ZNF227: variants seen among roughly 807,000 people sequenced by gnomAD.
ZNF227 encodes zinc finger protein 227.
In ZNF227, 12 loss-of-function variants were observed where a neutral mutation model predicts 13.2. That is an observed-to-expected ratio of 0.91 (90% confidence interval 0.58 to 1.47). ZNF227 has a LOEUF of 1.47. ZNF227 is among the 40% of genes most tolerant of loss of function. ZNF227 has a pLI of 0.00. For synonymous variants in ZNF227, 338 were observed against 326.0 expected (o/e 1.04, Z -0.40); for missense variants, 885 against 967.5 (o/e 0.91, Z 1.13).
rs138167873 is a variant in ZNF227, at chr19:44,217,949, CAG to C, written c.60+99_60+100del. The C allele has an allele frequency of 2.2e-4, 302 of 1,397,618 alleles. 1 individual carries two copies. The African/African-American group carries it at 3.9e-3, about 18-fold the overall frequency. 86.6% of individuals were successfully genotyped at this position (1,397,618 alleles called of 1,614,324 possible). ...CTTTCTTGGAAAGGTTAGTGGGAAA[CAG>C]ATATTCAGGACATGTGGTATGCTGA... On this transcript the variant is annotated intron_variant, in intron 3 of 5. Transcript: ENST00000313040.
chr19:44,223,157 T>G (rs1045401472), intron 3 of ZNF227, among the ~76,000 whole-genome samples: 34 of 152,320 alleles, frequency 2.2e-4, no homozygotes, highest in African/African-American at 7.7e-4. Context: ...GCTGCTGGAT[T>G]TGGTTTGCCA....
intron 4 of ZNF227, chr19:44,229,259 A>T (rs1973522699): frequency 6.6e-6 from 1 of 152,326 alleles, no homozygotes; most frequent in Non-Finnish European, 1.5e-5. Flanking sequence ...TATATATATG[A>T]ACTAGGCTAC....
At chr19:44,234,577 C>A in intron 5 of ZNF227, 125 bp from the exon 6 acceptor site, 1 of 860,694 alleles carries the variant, frequency 1.2e-6, no homozygotes, top group Non-Finnish European at 1.8e-6. Flanking sequence ...GCTGTAAGGA[C>A]AAGGTCACCT....
At chr19:44,231,992 T>C (rs967978949) in intron 5 of ZNF227, among the ~76,000 whole-genome samples, 1 of 152,226 alleles carries the variant, frequency 6.6e-6, no homozygotes, top group Non-Finnish European at 1.5e-5. Flanking sequence ...GCCTTATCCA[T>C]ACAGCTGACT....
chr19:44,234,780 G>A lies in ZNF227; in HGVS notation c.350G>A (p.Trp117Ter). 6.2e-7 allele frequency: 1 copy of A among 1,613,448 alleles called. No homozygotes were observed. The highest frequency in any genetic ancestry group is 8.5e-7 in the Non-Finnish European group (1 of 1,179,904). Reference protein sequence around the residue: ...KYLSNQELSCWQIWKQVASEL... With the variant: ...KYLSNQELSC Reference sequence around the variant, plus strand: ...CTTTCAAATCAAGAGCTGTCCTGCTGGCAAATCTGGAAACAGGTTGCAAGT... The same window carrying A: ...CTTTCAAATCAAGAGCTGTCCTGCTAGCAAATCTGGAAACAGGTTGCAAGT... The change falls in exon 6 of 6, where the codon TGG becomes TAG. Residue 117 changes from tryptophan (W) to a stop codon, truncating the protein, a stop_gained. Transcript: ENST00000313040. LOFTEE classifies it low-confidence loss of function (END_TRUNC).
At chr19:44,208,180 A>G (rs1487656523), upstream of ZNF227, among the ~76,000 whole-genome samples, 1 of 152,212 alleles carries the variant, frequency 6.6e-6, no homozygotes, top group Non-Finnish European at 1.5e-5. Flanking sequence ...GCAGTTTTAA[A>G]CTTTTTATAC....
Position 44,235,834 on chromosome 19 carries a change from G to T in ZNF227, c.1404G>T (p.Ala468=), listed in dbSNP as rs752533863. The stretch of plus-strand genomic sequence containing the variant: ...GAGAGAAGCCATACAAGTGTGAGGC[G>T]TGTGGGAAAGGCTTTACCCGTAATA... ...HTGEKPYKCE[A]CGKGFTRNTD... Residue 468 remains alanine, a synonymous_variant, in exon 6 of 6, where the codon GCG becomes GCT. Coordinates refer to ENST00000313040, the MANE Select transcript of ZNF227 (RefSeq NM_182490.3). The T allele has an allele frequency of 6.2e-7, 1 of 1,613,774 alleles. No homozygotes were observed.
intron 3 of ZNF227, among the ~76,000 whole-genome samples, chr19:44,226,680 CCTTT>C (rs1198176005): frequency 6.6e-6 from 1 of 152,148 alleles, no homozygotes; most frequent in Non-Finnish European, 1.5e-5. Context: ...GTCTGTCACC[CCTTT>C]CTTTGACTAG....
At chr19:44,215,673 T>C (rs993472077) in intron 2 of ZNF227, among the ~76,000 whole-genome samples, 1 of 152,020 alleles carries the variant, frequency 6.6e-6, no homozygotes, top group Non-Finnish European at 1.5e-5. Flanking sequence ...TTCTGAAGAA[T>C]ATTGAGACTA....
Position 44,235,391 on chromosome 19 carries a change from G to C in ZNF227, c.961G>C (p.Glu321Gln). 6.2e-7 allele frequency: 1 copy of C among 1,614,170 alleles called. No homozygotes were observed. Among genetic ancestry groups the C allele is most frequent in the Admixed American group, 1.7e-5 (1 of 60,028 alleles). The change falls in exon 6 of 6, where the codon GAG becomes CAG. Residue 321 changes from glutamate (E) to glutamine (Q), a missense_variant. By Grantham distance (29) the Glu-to-Gln change is conservative. Transcript: ENST00000313040. Reference sequence around the variant, plus strand: ...TTCTTATCAATCTAATCATACAGGAGAGAAGTCTTATAGATGCGACAGTTG... The same window carrying C: ...TTCTTATCAATCTAATCATACAGGACAGAAGTCTTATAGATGCGACAGTTG... ...FHSYQSNHTG[E>Q]KSYRCDSCGK... is the part of the protein sequence containing the mutation.
At chr19:44,214,629 C>T (rs1014105230) in intron 2 of ZNF227, among the ~76,000 whole-genome samples, 4 of 152,100 alleles carry the variant, frequency 2.6e-5, no homozygotes, top group South Asian at 2.1e-4. Context: ...CCGCCCACCT[C>T]GGCCTCCCAA....
chr19:44,213,239 C>T lies in ZNF227; in HGVS notation c.-8C>T, dbSNP rs1971513964. 1 of 152,170 alleles carries T rather than the reference C, an allele frequency of 6.6e-6. No homozygotes were observed. The highest frequency in any genetic ancestry group is 2.4e-5 in the African/African-American group (1 of 41,436). The allele number at this position is 152,170 out of a possible 1,614,324, so 9.4% of individuals were successfully genotyped here. ...GACTTCTTGGCTTCTCCCAGCATAG[C>T]CCCAGGTACCTGCTCTTGAACGCAC... On this transcript the variant is annotated 5_prime_UTR_variant, in exon 2 of 6. Transcript: ENST00000313040.
rs1210911575 is a variant in ZNF227 at position 44,236,542 on chromosome 19, CCAT to C, written c.2118_2120del (p.His706del). 2 of 1,611,174 alleles carry C rather than the reference CCAT, an allele frequency of 1.2e-6. No individual in the cohort carries two copies. Among genetic ancestry groups the C allele is most frequent in the South Asian group, 1.1e-5 (1 of 90,736 alleles). ...GCTTTGGTAGGAGCTTGAATCTTCGCCATCATCAGAGGGTCCACACGGGAGAGA... is the reference window on the plus strand; with the variant it reads ...GCTTTGGTAGGAGCTTGAATCTTCGCCATCAGAGGGTCCACACGGGAGAGA... On this transcript the variant is annotated inframe_deletion, in exon 6 of 6. Transcript: ENST00000313040.
At chr19:44,230,394 A>G (rs980839975) in intron 5 of ZNF227, among the ~76,000 whole-genome samples, 4 of 152,022 alleles carry the variant, frequency 2.6e-5, no homozygotes, top group Admixed American at 6.6e-5. Context: ...ATTTCACTCA[A>G]AGTCCTTGTA....
Position 44,236,270 on chromosome 19 carries a change from A to C in ZNF227, c.1840A>C (p.Ser614Arg). 6.2e-7 allele frequency: 1 copy of C among 1,614,048 alleles called. No individual in the cohort carries two copies. The highest frequency in any genetic ancestry group is 1.1e-5 in the South Asian group (1 of 91,072). The stretch of plus-strand genomic sequence containing the variant: ...ATGTGAGCAGTGTGATAAGAGCTTC[A>C]GTCAGGCCATAGATTTTCGGGTACA... ...YKCEQCDKSF[S>R]QAIDFRVHQR... The change falls in exon 6 of 6, where the codon AGT becomes CGT. Residue 614 changes from serine (S) to arginine (R), a missense_variant. By Grantham distance (110) the Ser-to-Arg change is moderately radical. Coordinates refer to ENST00000313040, the MANE Select transcript of ZNF227 (RefSeq NM_182490.3).
At chr19:44,230,926 A>AAAAAAAAAAAAAAAAAATATATATAT (rs1555792168) in intron 5 of ZNF227, among the ~76,000 whole-genome samples, 1 of 68,134 alleles carries the variant, frequency 1.5e-5, no homozygotes, top group African/African-American at 9.8e-5. Context: ...AAAAAAAAAA[A>AAAAAAAAAAAAAAAAAATATATATAT]ATATATATAT....
chr19:44,230,943 A>ATGTCTATCTATC (rs1258578786), intron 5 of ZNF227, among the ~76,000 whole-genome samples: 14 of 135,394 alleles, frequency 1.0e-4, no homozygotes, highest in African/African-American at 3.6e-4. Flanking sequence ...ATATATATAT[A>ATGTCTATCTATC]TATATATATA....
intron 5 of ZNF227, among the ~76,000 whole-genome samples, chr19:44,232,860 G>A (rs936471868): frequency 6.6e-6 from 1 of 151,962 alleles, no homozygotes; most frequent in Non-Finnish European, 1.5e-5. Context: ...CGGAGACGGG[G>A]TTTCACCATG....
chr19:44,217,656 TAC>T (rs1180842397), intron 2 of ZNF227, 133 bp from the exon 3 acceptor site: 7 of 930,540 alleles, frequency 7.5e-6, no homozygotes, highest in Non-Finnish European at 1.3e-5. Context: ...GTAGCTGGAA[TAC>T]AGTCCATGTT....
Sources: allele counts gnomAD v4.1 joint callset (sites outside exome capture counted in the v4.1 genomes callset), GRCh38; gene constraint gnomAD v4.1.1; transcripts MANE v1.5; gene names NCBI Gene and HGNC (gene_info 2026-07-23, HGNC 2026-07-21).